Variants in TET3 observed in about 807,000 individuals in gnomAD.
TET3 encodes tet methylcytosine dioxygenase 3.
In TET3, 19 loss-of-function variants were observed where a neutral mutation model predicts 141.4. The observed-to-expected ratio is 0.13, with a 90% CI of 0.09 to 0.20. TET3 has a LOEUF of 0.20. Ranked by LOEUF, TET3 falls within the 10% of genes least tolerant of loss-of-function variation. The probability of loss-of-function intolerance (pLI) is 1.00; values close to 1 mark genes in which losing one functional copy is unlikely to be tolerated. For missense variants in TET3, 1,874 were observed against 2,356.9 expected, an observed-to-expected ratio of 0.80 and a Z score of 4.24; for synonymous variants, 1,043 against 980.9, an observed-to-expected ratio of 1.06 and a Z score of -1.18.
chr2:74,130,156 C>G, the TET3 span, among the ~76,000 whole-genome samples: 1 of 151,854 alleles, frequency 6.6e-6, no homozygotes, highest in East Asian at 1.9e-4. Flanking sequence ...TTTGTTTGAC[C>G]ATAGTCACTA....
At chr2:74,077,854 G>A (rs1267616520) in intron 5 of TET3, among the ~76,000 whole-genome samples, 2 of 152,202 alleles carry the variant, frequency 1.3e-5, no homozygotes, top group Non-Finnish European at 2.9e-5. Context: ...TCCCAACAGG[G>A]ATCTCCACGA....
rs1372616267 is a variant in TET3, at chr2:74,104,446, C to T, written c.*2270C>T. 1 of 152,150 alleles carries T rather than the reference C, an allele frequency of 6.6e-6. No homozygotes were observed. The allele number at this position is 152,150 out of a possible 1,614,324, so 9.4% of individuals were successfully genotyped here. A position where few individuals can be genotyped will look rare whatever the true frequency, so the allele number is the denominator to read the frequency against. ...GAGGAAAAATTGGGTCCTTTAAATG[C>T]TATTTTGCTTATCGCATCAGTACTT... On this transcript the variant is annotated 3_prime_UTR_variant, in exon 12 of 12. Coordinates refer to ENST00000409262, the MANE Select transcript of TET3 (RefSeq NM_001287491.2).
chr2:74,038,329 G>A (rs1180613436), intron 3 of TET3, among the ~76,000 whole-genome samples: 3 of 152,170 alleles, frequency 2.0e-5, no homozygotes, highest in Non-Finnish European at 2.9e-5. Context: ...CAGTCTCCTA[G>A]TAACAAATTC....
chr2:74,110,468 A>G (rs572232738), downstream of TET3, among the ~76,000 whole-genome samples: 28 of 152,280 alleles, frequency 1.8e-4, no homozygotes, highest in South Asian at 4.1e-4. Context: ...TCCCATGTCC[A>G]TGGGATGGTG....
chr2:74,026,495 G>T (rs1686367922), intron 3 of TET3, among the ~76,000 whole-genome samples: 1 of 152,166 alleles, frequency 6.6e-6, no homozygotes, highest in Admixed American at 6.5e-5. Flanking sequence ...CGGACCTAAG[G>T]AGGTTCCAGA....
chr2:74,022,839 T>G (rs1686128106), intron 3 of TET3, among the ~76,000 whole-genome samples: 1 of 152,032 alleles, frequency 6.6e-6, no homozygotes, highest in South Asian at 2.1e-4. Flanking sequence ...TGCAGTGGCA[T>G]GATCTTGGCT....
At chr2:74,089,825 T>C (rs1337762337) in intron 7 of TET3, 72 bp from the exon 8 acceptor site, 5 of 1,573,038 alleles carry the variant, frequency 3.2e-6, no homozygotes, top group Non-Finnish European at 4.3e-6. Context: ...GGGCCACCCC[T>C]TGAGGGAGGA....
rs1021577905 is a variant in TET3, at chr2:74,102,717, G to C, written c.*541G>C. ...CCCTCGGGCGCTGGCGAGGTCCTCA[G>C]CCATCTGCCCCTCGAGAGCCAAGCG... On this transcript the variant is annotated 3_prime_UTR_variant, in exon 12 of 12. Transcript: ENST00000409262. 6.6e-6 allele frequency: 1 copy of C among 152,146 alleles called. No individual in the cohort carries two copies. Among genetic ancestry groups the C allele is most frequent in the African/African-American group, 2.4e-5 (1 of 41,430 alleles). 9.4% of individuals were successfully genotyped at this position (152,146 alleles called of 1,614,324 possible). A position where few individuals can be genotyped will look rare whatever the true frequency, so the allele number is the denominator to read the frequency against.
At chr2:74,077,127 A>G (rs1689556076) in intron 5 of TET3, among the ~76,000 whole-genome samples, 1 of 152,232 alleles carries the variant, frequency 6.6e-6, no homozygotes, top group South Asian at 2.1e-4. Context: ...CAAAGAACCA[A>G]CACTGCACTA....
In TET3 at chr2:74,101,076, G is replaced by A. The variant is rs753294853; in HGVS notation, c.4288G>A (p.Gly1430Arg). 5.6e-6 allele frequency: 9 copies of A among 1,612,670 alleles called. No homozygotes were observed. In the Admixed American group the frequency reaches 1.5e-4, roughly 27 times the overall value. Residue 1430 changes from glycine to arginine, a missense_variant, in exon 12 of 12, where the codon GGA (glycine) becomes AGA (arginine). Transcript: ENST00000409262. This position sits in a 1 kb window ranked among gnomAD's most constrained non-coding sequence, Gnocchi z 8.5. ...TPLSEVSQNGGPSHLWGQYSG... is the reference protein window; with the variant it reads ...TPLSEVSQNGRPSHLWGQYSG... ...TCTGTCCGAGGTGTCTCAGAATGGA[G>A]GACCCAGTCACCTTTGGGGACAGTA...
At chr2:73,990,758 G>T (rs1684281429) in intron 2 of TET3, among the ~76,000 whole-genome samples, 1 of 152,200 alleles carries the variant, frequency 6.6e-6, no homozygotes, top group South Asian at 2.1e-4. Flanking sequence ...TTGGAATTGG[G>T]AATCTTTCAA....
chr2:74,053,848 A>C (rs1346654073), intron 4 of TET3, among the ~76,000 whole-genome samples: 2 of 151,870 alleles, frequency 1.3e-5, no homozygotes, highest in Non-Finnish European at 2.9e-5. Flanking sequence ...CCCCCACCCC[A>C]CTGCATTGAG....
chr2:74,091,832 C>T (rs558393220), intron 8 of TET3, among the ~76,000 whole-genome samples: 1 of 152,354 alleles, frequency 6.6e-6, no homozygotes, highest in East Asian at 1.9e-4. Context: ...GCTGTGGATA[C>T]CTGGAACTCT....
intron 3 of TET3, among the ~76,000 whole-genome samples, chr2:74,008,342 C>A (rs529908004): frequency 7.2e-5 from 11 of 152,290 alleles, no homozygotes; most frequent in African/African-American, 2.6e-4. Flanking sequence ...GATGGAGGCC[C>A]GTCAGAGCCC....
the TET3 span, among the ~76,000 whole-genome samples, chr2:74,126,990 A>G: frequency 6.6e-6 from 1 of 152,246 alleles, no homozygotes; most frequent in Non-Finnish European, 1.5e-5. Flanking sequence ...ATAGACAGCT[A>G]CCAAGTCCAG....
In TET3 at chr2:74,087,111, T is replaced by C. The variant is rs771385876; in HGVS notation, c.2680-719T>C. ...GTCTGGCTTATTTCACATAGCATGTTTTTGGGGTTCATCCATGTTGTAACA... is the reference window on the plus strand; with the variant it reads ...GTCTGGCTTATTTCACATAGCATGTCTTTGGGGTTCATCCATGTTGTAACA... On this transcript the variant is annotated intron_variant, in intron 6 of 11. Coordinates refer to ENST00000409262, the MANE Select transcript of TET3 (RefSeq NM_001287491.2). The surrounding 1 kb of genome is among the most constrained non-coding windows in gnomAD (Gnocchi z 4.3). Among the ~76,000 whole-genome samples the C allele has an allele frequency of 6.6e-6, 1 of 152,144 alleles. No individual in the cohort carries two copies. The highest frequency in any genetic ancestry group is 1.5e-5 in the Non-Finnish European group (1 of 68,024).
At position 74,095,022 on chromosome 2, in the gene TET3, T is replaced by C. The variant is rs78425009; in HGVS notation, c.3267+1356T>C. Among the ~76,000 whole-genome samples the C allele has an allele frequency of 3.6e-4, 55 of 152,070 alleles. 1 individual carries two copies. In the East Asian group the frequency reaches 0.011, roughly 29 times the overall value. ...ATGGAGAAGAGAGGGAGTTTGGACT[T>C]GGTTAGGGGCTTCCTTGAAGGGATG... On this transcript the variant is annotated intron_variant, in intron 10 of 11. Coordinates refer to ENST00000409262, the MANE Select transcript of TET3 (RefSeq NM_001287491.2).
chr2:74,131,678 A>G, the TET3 span, among the ~76,000 whole-genome samples: 1 of 152,166 alleles, frequency 6.6e-6, no homozygotes, highest in African/African-American at 2.4e-5. Context: ...TGGGTTTTCC[A>G]CTGGAAAACC....
chr2:74,047,521 A>T lies in TET3; in HGVS notation c.1604A>T (p.Lys535Met). Residue 535 changes from lysine to methionine, a missense_variant, in exon 4 of 12, where the codon AAG becomes ATG. Around this residue, in one of 10 missense-constraint regions of TET3, gnomAD observed 484 missense variants for 462.2 expected, o/e 1.05. Coordinates refer to ENST00000409262, the MANE Select transcript of TET3 (RefSeq NM_001287491.2). The stretch of plus-strand genomic sequence containing the variant: ...GCCCTGCAGCAGCACCTCCACCACA[A>T]GCGCAGCCTCTTCCTAGAACAGGTG... ...QTALQQHLHH[K>M]RSLFLEQVHD... The T allele has an allele frequency of 6.2e-7, 1 of 1,613,356 alleles. No homozygotes were observed. Among genetic ancestry groups the T allele is most frequent in the Non-Finnish European group, 8.5e-7 (1 of 1,179,870 alleles).
Sources: allele counts gnomAD v4.1 joint callset (sites outside exome capture counted in the v4.1 genomes callset), GRCh38; gene constraint gnomAD v4.1.1; regional missense constraint gnomAD v4.1.1; non-coding constraint Gnocchi (gnomAD v3.1); transcripts MANE v1.5; gene names NCBI Gene and HGNC (gene_info 2026-07-23, HGNC 2026-07-21).